Variants in ELAC2 observed in about 807,000 individuals in gnomAD.
ELAC2 encodes the protein elaC ribonuclease Z 2, also known as zinc phosphodiesterase ELAC protein 2.
ELAC2 carries 92 observed loss-of-function variants against 105.2 expected under a neutral mutation model. The observed-to-expected ratio is 0.87, with a 90% CI of 0.74 to 1.04. The LOEUF is 1.04. ELAC2 is among the 50% of genes least tolerant of loss of function. The pLI is 0.00. For synonymous variants in ELAC2, 468 were observed against 409.1 expected (o/e 1.14, Z -1.74); for missense variants, 1,099 against 1,071.7 (o/e 1.03, Z -0.36).
chr17:12,992,819 C>T lies in ELAC2; in HGVS notation c.2480G>A (p.Ter827=), dbSNP rs533278704. 5 of 1,613,992 alleles carry T rather than the reference C, an allele frequency of 3.1e-6. No individual in the cohort carries two copies. Among genetic ancestry groups the T allele is most frequent in the East Asian group, 2.2e-5 (1 of 44,842 alleles). The stretch of plus-strand genomic sequence containing the variant: ...CTGAGTTCAGGGTCTCCCAGATCTT[C>T]ACTGGGCTCTGACCTTCTTGGCCTG... ...EPQAKKVRAQ[*] is the part of the protein sequence containing the mutation. The change falls in exon 24 of 24, where the codon TGA becomes TAA. Residue 827 remains the stop codon, a stop_retained_variant. Coordinates refer to ENST00000338034, the MANE Select transcript of ELAC2 (RefSeq NM_018127.7).
intron 10 of ELAC2, 23 bp from the exon 11 acceptor site, chr17:13,005,124 C>T: frequency 6.5e-7 from 1 of 1,550,134 alleles, no homozygotes; most frequent in Non-Finnish European, 8.9e-7. Context: ...ATAAGCCCGC[C>T]CACTGGGGGT....
At position 13,003,535 on chromosome 17, in the gene ELAC2, AACC is replaced by A. The variant is rs1344475140; in HGVS notation, c.1020_1022del (p.Val341del). The A allele has an allele frequency of 3.7e-6, 6 of 1,614,192 alleles. No homozygotes were observed. The highest frequency in any genetic ancestry group is 5.1e-6 in the Non-Finnish European group (6 of 1,180,022). On this transcript the variant is annotated inframe_deletion, in exon 12 of 24. Coordinates refer to ENST00000338034, the MANE Select transcript of ELAC2 (RefSeq NM_018127.7). ...CAAGCACAGATGCTGGGGCCATGTGAACCACCAAGGCCACGGGGGCATCTGCCT... is the reference window on the plus strand; with the variant it reads ...CAAGCACAGATGCTGGGGCCATGTGAACCAAGGCCACGGGGGCATCTGCCT...
At chr17:12,996,190 A>C in intron 17 of ELAC2, 1 of 673,480 alleles carries the variant, frequency 1.5e-6, no homozygotes, top group Non-Finnish European at 2.6e-6. Flanking sequence ...TGCTGGGAAG[A>C]GGGCAACGGC....
In ELAC2 at chr17:12,992,191, G is replaced by A. The variant is rs555568637; in HGVS notation, c.*627C>T. 2.2e-4 allele frequency among the ~76,000 whole-genome samples: 33 copies of A among 152,202 alleles called. No homozygotes were observed. Among genetic ancestry groups the A allele is most frequent in the Admixed American group, 7.2e-4 (11 of 15,276 alleles). ...CCTGCTGTGAGCTGGCACAGCTCGA[G>A]TTGTCAAAAAGACTTGGCGAATAAG... On this transcript the variant is annotated 3_prime_UTR_variant, in exon 24 of 24. Transcript: ENST00000338034.
At chr17:13,001,836 G>A (rs896335933) in intron 14 of ELAC2, among the ~76,000 whole-genome samples, 33 of 152,084 alleles carry the variant, frequency 2.2e-4, no homozygotes, top group Non-Finnish European at 4.0e-4. Flanking sequence ...AGTGATACAG[G>A]AAAAGACTGA....
At chr17:13,013,579 A>C (rs1303577694) in intron 5 of ELAC2, among the ~76,000 whole-genome samples, 3 of 152,230 alleles carry the variant, frequency 2.0e-5, no homozygotes, top group Non-Finnish European at 4.4e-5. Flanking sequence ...TAACAAACAG[A>C]ATAGTGAAGC....
chr17:12,994,488 A>C lies in ELAC2; in HGVS notation c.2045T>G (p.Leu682Arg). Reference sequence around the variant, plus strand: ...TTCCAGGGTGGCTTCATGTATCAGGAGGGTGGCATCTTTCCCTGGAGAAGC... The same window carrying C: ...TTCCAGGGTGGCTTCATGTATCAGGCGGGTGGCATCTTTCCCTGGAGAAGC... ...ALVRMGKDAT[L>R]LIHEATLEDG... is the part of the protein sequence containing the mutation. The change falls in exon 22 of 24, where the codon CTC (leucine) becomes CGC (arginine). Residue 682 changes from leucine to arginine, a missense_variant. Coordinates refer to ENST00000338034, the MANE Select transcript of ELAC2 (RefSeq NM_018127.7). The C allele has an allele frequency of 6.2e-7, 1 of 1,614,102 alleles. No individual in the cohort carries two copies. Among genetic ancestry groups the C allele is most frequent in the Non-Finnish European group, 8.5e-7 (1 of 1,180,012 alleles).
Position 13,016,880 on chromosome 17 carries a change from T to C in ELAC2, c.349A>G (p.Asn117Asp), listed in dbSNP as rs369592821. Residue 117 changes from asparagine to aspartate, a missense_variant, in exon 3 of 24, where the codon AAT becomes GAT. By Grantham distance (23) the Asn-to-Asp change is conservative. Transcript: ENST00000338034. Reference protein sequence around the residue: ...NIFLTRMHWSNVGGLSGMILT... With the variant: ...NIFLTRMHWSDVGGLSGMILT... Reference sequence around the variant, plus strand: ...TACTCACCACTTAAGCCCCCAACATTAGACCAGTGCATTCGTGTCAGGAAT... The same window carrying C: ...TACTCACCACTTAAGCCCCCAACATCAGACCAGTGCATTCGTGTCAGGAAT... The C allele has an allele frequency of 2.5e-6, 4 of 1,614,100 alleles. No individual in the cohort carries two copies. The South Asian group carries it at 3.3e-5, about 13-fold the overall frequency.
At position 13,002,319 on chromosome 17, in the gene ELAC2, T is replaced by A. The variant is rs1383431660; in HGVS notation, c.1259A>T (p.Glu420Val). 2 of 1,614,192 alleles carry A rather than the reference T, an allele frequency of 1.2e-6. No homozygotes were observed. Among genetic ancestry groups the A allele is most frequent in the South Asian group, 2.2e-5 (2 of 91,086 alleles). ...PTLSVPMVQG[E>V]CLLKYQLRPR... Reference sequence around the variant, plus strand: ...ACGGAGCTGGTACTTGAGGAGGCATTCACCCTGAACCATGGGCACACTGAG... The same window carrying A: ...ACGGAGCTGGTACTTGAGGAGGCATACACCCTGAACCATGGGCACACTGAG... Residue 420 changes from glutamate to valine, a missense_variant, in exon 14 of 24, where the codon GAA (glutamate) becomes GTA (valine). Coordinates refer to ENST00000338034, the MANE Select transcript of ELAC2 (RefSeq NM_018127.7).
intron 4 of ELAC2, among the ~76,000 whole-genome samples, chr17:13,014,872 A>G (rs1387129402): frequency 6.6e-6 from 1 of 152,250 alleles, no homozygotes; most frequent in Non-Finnish European, 1.5e-5. Context: ...TGAGCCCTGA[A>G]GGTTCAGTAA....
Position 12,994,444 on chromosome 17 carries a change from C to G in ELAC2, c.2089G>C (p.Ala697Pro). 6.2e-7 allele frequency: 1 copy of G among 1,614,218 alleles called. No individual in the cohort carries two copies. The highest frequency in any genetic ancestry group is 1.1e-5 in the South Asian group (1 of 91,086). ...ATLEDGLEEE[A>P]VEKTHSTTSQ... ...TGCTACCTGTGTGTCTTTTCCACTGCTTCCTCTTCCAAACCATCTTCCAGG... is the reference window on the plus strand; with the variant it reads ...TGCTACCTGTGTGTCTTTTCCACTGGTTCCTCTTCCAAACCATCTTCCAGG... Residue 697 changes from alanine (A) to proline (P), a missense_variant, in exon 22 of 24, where the codon GCA (alanine) becomes CCA (proline). Physicochemically the swap from Ala to Pro is conservative, Grantham distance 27. Transcript: ENST00000338034.
At chr17:13,007,260 T>C (rs1416796044) in intron 8 of ELAC2, among the ~76,000 whole-genome samples, 8 of 152,208 alleles carry the variant, frequency 5.3e-5, no homozygotes, top group African/African-American at 1.7e-4. Flanking sequence ...ATGTAGGCCT[T>C]TGAGTGCTAA....
In ELAC2 at chr17:13,002,362, G is replaced by GA. The variant is rs754298630; in HGVS notation, c.1219-4dup. The GA allele has an allele frequency of 3.1e-6, 5 of 1,614,184 alleles. No individual in the cohort carries two copies. In the South Asian group the frequency reaches 3.3e-5, roughly 11 times the overall value. On this transcript the variant is annotated splice_polypyrimidine_tract_variant and splice_region_variant and intron_variant, in intron 13 of 23. Coordinates refer to ENST00000338034, the MANE Select transcript of ELAC2 (RefSeq NM_018127.7). The stretch of plus-strand genomic sequence containing the variant: ...ACACTGAGGGTGGGGCCCTCCTTCT[G>GA]AAAGAGACAAAACACATTCATGGAG...
In ELAC2 at chr17:12,994,566, C is replaced by G. The variant is rs1409307351; in HGVS notation, c.2030-63G>C. ...GCGAGAGCGGCACACAGGCCTCAGTCACGTGCTGTTTCCTGGTCTCAACAC... is the reference window on the plus strand; with the variant it reads ...GCGAGAGCGGCACACAGGCCTCAGTGACGTGCTGTTTCCTGGTCTCAACAC... On this transcript the variant is annotated intron_variant, in intron 21 of 23. Transcript: ENST00000338034. 4.4e-6 allele frequency: 7 copies of G among 1,605,368 alleles called. No homozygotes were observed. The African/African-American group carries it at 6.7e-5, about 15-fold the overall frequency.
chr17:13,002,366 G>A lies in ELAC2; in HGVS notation c.1219-7C>T. 6.2e-7 allele frequency: 1 copy of A among 1,614,182 alleles called. No homozygotes were observed. Among genetic ancestry groups the A allele is most frequent in the Non-Finnish European group, 8.5e-7 (1 of 1,180,034 alleles). ...TGAGGGTGGGGCCCTCCTTCTGAAA[G>A]AGACAAAACACATTCATGGAGAGAA... On this transcript the variant is annotated splice_region_variant and splice_polypyrimidine_tract_variant and intron_variant, in intron 13 of 23. Transcript: ENST00000338034.
Position 13,017,953 on chromosome 17 carries a change from C to A in ELAC2, c.-6G>T, listed in dbSNP as rs1474895977. 2 of 1,536,196 alleles carry A rather than the reference C, an allele frequency of 1.3e-6. No individual in the cohort carries two copies. The highest frequency in any genetic ancestry group is 1.7e-6 in the Non-Finnish European group (2 of 1,146,672). On this transcript the variant is annotated 5_prime_UTR_variant, in exon 1 of 24. Transcript: ENST00000338034. ...AGCGAGCAAAGCGCCCACATGCGCC[C>A]GTCTCCACCAAAACTGAGAAAGCCG...
rs941325100 is a variant in ELAC2 at position 13,018,026 on chromosome 17, A to T, written c.-79T>A. 6.5e-7 allele frequency: 1 copy of T among 1,529,890 alleles called. No individual in the cohort carries two copies. The highest frequency in any genetic ancestry group is 2.4e-5 in the East Asian group (1 of 40,836). 94.8% of individuals were successfully genotyped at this position (1,529,890 alleles called of 1,614,324 possible). ...CCCGTGCACCACCTAGCCGCTCCGC[A>T]TGGCGGATCCAGCCAATCAGCGCGC... On this transcript the variant is annotated 5_prime_UTR_variant, in exon 1 of 24. An upstream start codon of the reference 5' UTR is lost. Coordinates refer to ENST00000338034, the MANE Select transcript of ELAC2 (RefSeq NM_018127.7).
chr17:12,998,536 C>A, intron 15 of ELAC2, 28 bp from the exon 16 acceptor site: 3 of 1,600,832 alleles, frequency 1.9e-6, no homozygotes, highest in South Asian at 1.1e-5. Context: ...TGAAACAATC[C>A]ATTCCTTTGG....
intron 4 of ELAC2, among the ~76,000 whole-genome samples, chr17:13,014,892 C>A (rs1337055913): frequency 1.3e-5 from 2 of 152,280 alleles, no homozygotes; most frequent in African/African-American, 2.4e-5. Flanking sequence ...ACAATATAGG[C>A]AGCAATTAGA....
Sources: gnomAD v4.1 joint callset for allele counts (sites outside exome capture counted in the v4.1 genomes callset) on GRCh38, gnomAD v4.1.1 for gene constraint, MANE v1.5 for transcripts, NCBI Gene and HGNC (gene_info 2026-07-23, HGNC 2026-07-21) for gene names.